ZNF181: variants seen among roughly 807,000 people sequenced by gnomAD.
ZNF181 encodes the protein zinc finger protein 181 (HHZ181).
Under a neutral mutation model 11.9 loss-of-function variants are expected in ZNF181, and 8 were observed. The observed-to-expected ratio is 0.67, with a 90% CI of 0.39 to 1.21. The LOEUF is 1.21. Among genes scored for constraint, ZNF181 ranks in the 50% most tolerant of loss-of-function variants. ZNF181 has a pLI of 0.01. For synonymous variants in ZNF181, 202 were observed against 221.1 expected, an observed-to-expected ratio of 0.91 and a Z score of 0.77; for missense variants, 542 against 670.9, an observed-to-expected ratio of 0.81 and a Z score of 2.12.
rs543606766 is a variant in ZNF181, at chr19:34,739,621, G to C, written c.229G>C (p.Asp77His). 2.2e-4 allele frequency: 349 copies of C among 1,614,008 alleles called. No homozygotes were observed. The highest frequency in any genetic ancestry group is 2.8e-4 in the Non-Finnish European group (326 of 1,179,908). Reference protein sequence around the residue: ...EKKLSKGMIPDWESRWENKEL... With the variant: ...EKKLSKGMIPHWESRWENKEL... ...AAAACTGTCAAAAGGTATGATTCCA[G>C]GTGAGTCATGGTGAACGAGACAAAG... is the stretch of plus-strand genomic sequence containing the variant. The change falls in exon 3 of 4, where the codon GAT (aspartate) becomes CAT (histidine). Residue 77 changes from aspartate (D) to histidine (H), a missense_variant and splice_region_variant. By Grantham distance (81) the Asp-to-His change is moderately conservative. Coordinates refer to ENST00000492450, the MANE Select transcript of ZNF181 (RefSeq NM_001029997.4).
chr19:34,745,185 TAAG>T lies in ZNF181; in HGVS notation c.*3091_*3093del, dbSNP rs2069022066. On this transcript the variant is annotated 3_prime_UTR_variant, in exon 4 of 4. Coordinates refer to ENST00000492450, the MANE Select transcript of ZNF181 (RefSeq NM_001029997.4). ...GAGCATCCACTATGGGCTTAATAGA[TAAG>T]AAACACTCCATACCCTTTAAGAGCC... 6.6e-6 allele frequency: 1 copy of T among 152,150 alleles called. No individual in the cohort carries two copies. The allele number at this position is 152,150 out of a possible 1,614,324, so 9.4% of individuals were successfully genotyped here. A position where few individuals can be genotyped will look rare whatever the true frequency, so the allele number is the denominator to read the frequency against.
rs2068993080 is a variant in ZNF181, at chr19:34,742,292, A to AC, written c.*195_*196insC. The AC allele has an allele frequency of 8.3e-6, 4 of 483,054 alleles. No individual in the cohort carries two copies. In the Admixed American group the frequency reaches 1.5e-4, roughly 18 times the overall value. 29.9% of individuals were successfully genotyped at this position (483,054 alleles called of 1,614,324 possible). A position where few individuals can be genotyped will look rare whatever the true frequency, so the allele number is the denominator to read the frequency against. ...TAAATGTGGGAAAGCCTTTGTCAGT[A>AC]TTAATCCCTTAATTGACATAAGTAT... is the stretch of plus-strand genomic sequence containing the variant. On this transcript the variant is annotated 3_prime_UTR_variant, in exon 4 of 4. Transcript: ENST00000492450.
chr19:34,734,306 C>T lies in ZNF181; in HGVS notation c.-732C>T, dbSNP rs1264234933. 1 of 152,374 alleles carries T rather than the reference C, an allele frequency of 6.6e-6. No homozygotes were observed. Among genetic ancestry groups the T allele is most frequent in the African/African-American group, 2.4e-5 (1 of 41,474 alleles). The allele number at this position is 152,374 out of a possible 1,614,324, so 9.4% of individuals were successfully genotyped here. A position where few individuals can be genotyped will look rare whatever the true frequency, so the allele number is the denominator to read the frequency against. On this transcript the variant is annotated 5_prime_UTR_variant, in exon 1 of 4. Coordinates refer to ENST00000492450, the MANE Select transcript of ZNF181 (RefSeq NM_001029997.4). ...GGACGATTCTGGGCAGTGTCGTCCCCAGAGGTCGGCGGCCGTTGCCCGCTC... is the reference window on the plus strand; with the variant it reads ...GGACGATTCTGGGCAGTGTCGTCCCTAGAGGTCGGCGGCCGTTGCCCGCTC...
In ZNF181 at chr19:34,740,852, C is replaced by T. The variant is rs780552468; in HGVS notation, c.471C>T (p.Tyr157=). ...CCACTGCAGACAGTGTTTACAAATA[C>T]AATATATTTAGAAGCACCTTTCATT... ...ESPTADSVYK[Y]NIFRSTFHSK... is the part of the protein sequence containing the mutation. Residue 157 remains tyrosine, a synonymous_variant, in exon 4 of 4, where the codon TAC becomes TAT. Coordinates refer to ENST00000492450, the MANE Select transcript of ZNF181 (RefSeq NM_001029997.4). 3 of 1,613,864 alleles carry T rather than the reference C, an allele frequency of 1.9e-6. No individual in the cohort carries two copies. The highest frequency in any genetic ancestry group is 1.7e-6 in the Non-Finnish European group (2 of 1,179,976).
Position 34,741,010 on chromosome 19 carries a change from T to C in ZNF181, c.629T>C (p.Leu210Ser), listed in dbSNP as rs2068963163. 6.2e-7 allele frequency: 1 copy of C among 1,614,066 alleles called. No individual in the cohort carries two copies. Among genetic ancestry groups the C allele is most frequent in the African/African-American group, 1.3e-5 (1 of 74,946 alleles). Residue 210 changes from leucine to serine, a missense_variant, in exon 4 of 4, where the codon TTG (leucine) becomes TCG (serine). Transcript: ENST00000492450. The part of the protein sequence containing the change: ...NEKVNGGKKL[L>S]NSNKSGAAFS... ...AAAGTCAATGGTGGAAAGAAACTTTTGAATTCTAATAAAAGTGGGGCAGCC... is the reference window on the plus strand; with the variant it reads ...AAAGTCAATGGTGGAAAGAAACTTTCGAATTCTAATAAAAGTGGGGCAGCC...
rs2069013260 is a variant in ZNF181 at position 34,743,962 on chromosome 19, G to A, written c.*1865G>A. 6.6e-6 allele frequency: 1 copy of A among 152,142 alleles called. No homozygotes were observed. The highest frequency in any genetic ancestry group is 1.5e-5 in the Non-Finnish European group (1 of 68,014). The allele number at this position is 152,142 out of a possible 1,614,324, so 9.4% of individuals were successfully genotyped here. On this transcript the variant is annotated 3_prime_UTR_variant, in exon 4 of 4. Transcript: ENST00000492450. ...TAGAATCCTATCTTGTGATTAGAAA[G>A]GTAATGCAGATCAATTTGATTTGGA...
At chr19:34,735,269 C>G (rs540627436) in intron 1 of ZNF181, among the ~76,000 whole-genome samples, 2 of 152,186 alleles carry the variant, frequency 1.3e-5, no homozygotes, top group Non-Finnish European at 2.9e-5. Context: ...ACTTTCTAGT[C>G]TTGCCAACAT....
chr19:34,742,257 A>G lies in ZNF181; in HGVS notation c.*160A>G. ...AGACTTTATACTGTAGAGAAATCAT[A>G]TGAAGACCATAAATGTGGGAAAGCC... On this transcript the variant is annotated 3_prime_UTR_variant, in exon 4 of 4. Transcript: ENST00000492450. The G allele has an allele frequency of 1.6e-6, 1 of 620,038 alleles. No individual in the cohort carries two copies. The highest frequency in any genetic ancestry group is 3.2e-5 in the South Asian group (1 of 31,590). 38.4% of individuals were successfully genotyped at this position (620,038 alleles called of 1,614,324 possible).
intron 1 of ZNF181, chr19:34,735,991 T>C (rs2068882739): frequency 1.7e-6 from 1 of 592,148 alleles, no homozygotes; most frequent in East Asian, 2.8e-5. Flanking sequence ...CACTAGCTGA[T>C]GTACTGTATG....
rs751783589 is a variant in ZNF181, at chr19:34,740,820, G to A, written c.439G>A (p.Glu147Lys). 1.9e-6 allele frequency: 3 copies of A among 1,614,100 alleles called. No homozygotes were observed. In the East Asian group the frequency reaches 6.7e-5, roughly 36 times the overall value. The stretch of plus-strand genomic sequence containing the variant: ...CAGACCAGCAATTCTCACCTCTAGA[G>A]AAAGCCCCACTGCAGACAGTGTTTA... ...HFRPAILTSR[E>K]SPTADSVYKY... The change falls in exon 4 of 4, where the codon GAA (glutamate) becomes AAA (lysine). Residue 147 changes from glutamate to lysine, a missense_variant. Transcript: ENST00000492450.
At position 34,741,098 on chromosome 19, in the gene ZNF181, C is replaced by T. The variant is rs746704105; in HGVS notation, c.717C>T (p.Cys239=). 1.2e-6 allele frequency: 2 copies of T among 1,614,140 alleles called. No individual in the cohort carries two copies. The highest frequency in any genetic ancestry group is 1.7e-6 in the Non-Finnish European group (2 of 1,179,966). The stretch of plus-strand genomic sequence containing the variant: ...GTAATAGAGAGAAAATCTATACATG[C>T]AGTGAATGTGGGAAAGCCTTTGGCA... ...QTCNREKIYT[C]SECGKAFGKQ... is the part of the protein sequence containing the mutation. The change falls in exon 4 of 4, where the codon TGC becomes TGT. Residue 239 remains cysteine (C), a synonymous_variant. Transcript: ENST00000492450.
intron 2 of ZNF181, 55 bp downstream of exon 2, chr19:34,739,323 G>C: frequency 1.2e-6 from 2 of 1,606,072 alleles, no homozygotes; most frequent in Non-Finnish European, 8.5e-7. Flanking sequence ...TTGCCACCCT[G>C]AATTGCTGGA....
In ZNF181 at chr19:34,738,534, T is replaced by G. The variant is rs557496222; in HGVS notation, c.10-614T>G. 9.7e-5 allele frequency among the ~76,000 whole-genome samples: 14 copies of G among 144,354 alleles called. No homozygotes were observed. The East Asian group carries it at 2.6e-3, about 26-fold the overall frequency. 94.7% of individuals were successfully genotyped at this position (144,354 alleles called of 152,430 possible). On this transcript the variant is annotated intron_variant, in intron 1 of 3. Coordinates refer to ENST00000492450, the MANE Select transcript of ZNF181 (RefSeq NM_001029997.4). ...TGTCTATTAGTCTTTAATATAAAGG[T>G]TTTTTTTTTGTTTTTGTTTTTTTTT...
At chr19:34,740,535 A>T in intron 3 of ZNF181, 76 bp from the exon 4 acceptor site, 1 of 1,412,226 alleles carries the variant, frequency 7.1e-7, no homozygotes, top group Non-Finnish European at 9.6e-7. Flanking sequence ...CAGTTCTCCT[A>T]ATTCCAATTT....
At chr19:34,740,525 C>T (rs1375122566) in intron 3 of ZNF181, 86 bp from the exon 4 acceptor site, 44 of 1,330,974 alleles carry the variant, frequency 3.3e-5, no homozygotes, top group Admixed American at 1.2e-4. Flanking sequence ...ATTTCTAATC[C>T]AGTTCTCCTA....
rs754466007 is a variant in ZNF181 at position 34,741,520 on chromosome 19, G to A, written c.1139G>A (p.Arg380Lys). The A allele has an allele frequency of 1.2e-6, 2 of 1,613,812 alleles. No individual in the cohort carries two copies. Among genetic ancestry groups the A allele is most frequent in the South Asian group, 2.2e-5 (2 of 91,054 alleles). ...ACTGGAGAGAAGCCTTATGAATGTA[G>A]AGAATGTGGGAAAGCTTTCTGCTGT... ...IHTGEKPYEC[R>K]ECGKAFCCSS... The change falls in exon 4 of 4, where the codon AGA (arginine) becomes AAA (lysine). Residue 380 changes from arginine (R) to lysine (K), a missense_variant. Physicochemically the swap from Arg to Lys is conservative, Grantham distance 26 (BLOSUM62 2). Transcript: ENST00000492450.
chr19:34,734,897 TG>T lies in ZNF181; in HGVS notation c.-139del. 1.3e-6 allele frequency: 1 copy of T among 770,810 alleles called. No homozygotes were observed. Among genetic ancestry groups the T allele is most frequent in the Non-Finnish European group, 2.1e-6 (1 of 473,018 alleles). 47.7% of individuals were successfully genotyped at this position (770,810 alleles called of 1,614,324 possible). On this transcript the variant is annotated 5_prime_UTR_variant, in exon 1 of 4. An upstream open reading frame in the 5' UTR gains an earlier in-frame stop. Transcript: ENST00000492450. Reference sequence around the variant, plus strand: ...TGATTACCAGTGTGCCTTTCCATTATGGTGTGTCACAGGTGCCGCAAGATAA... The same window carrying T: ...TGATTACCAGTGTGCCTTTCCATTATGTGTGTCACAGGTGCCGCAAGATAA...
At chr19:34,739,375 C>CA in intron 2 of ZNF181, 107 bp downstream of exon 2, 3 of 1,573,998 alleles carry the variant, frequency 1.9e-6, no homozygotes, top group Non-Finnish European at 2.6e-6. Flanking sequence ...AGCATGTTCC[C>CA]AAGGAAATGT....
At position 34,741,424 on chromosome 19, in the gene ZNF181, T is replaced by C; in HGVS notation, c.1043T>C (p.Leu348Pro). 2 of 1,613,864 alleles carry C rather than the reference T, an allele frequency of 1.2e-6. No individual in the cohort carries two copies. The highest frequency in any genetic ancestry group is 1.7e-6 in the Non-Finnish European group (2 of 1,179,890). Residue 348 changes from leucine (L) to proline (P), a missense_variant, in exon 4 of 4, where the codon CTC becomes CCC. Leu to Pro is a moderately conservative substitution (Grantham distance 98). Coordinates refer to ENST00000492450, the MANE Select transcript of ZNF181 (RefSeq NM_001029997.4). ...CTAAGAATTCATACTCAAGAAAAAC[T>C]CTATGAGTGTCGTATATGTGGAAAG... ...EHLRIHTQEK[L>P]YECRICGKAF... is the part of the protein sequence containing the mutation.
Sources: allele counts gnomAD v4.1 joint callset (sites outside exome capture counted in the v4.1 genomes callset), GRCh38; gene constraint gnomAD v4.1.1; transcripts MANE v1.5; gene names NCBI Gene and HGNC (gene_info 2026-07-23, HGNC 2026-07-21).